ADGRL3: variants seen among roughly 807,000 people sequenced by gnomAD.
ADGRL3 encodes calcium-independent alpha-latrotoxin receptor 3.
In ADGRL3, 62 loss-of-function variants were observed where a neutral mutation model predicts 153.5. The observed-to-expected ratio is 0.40, with a 90% CI of 0.33 to 0.50. ADGRL3 has a LOEUF of 0.50. ADGRL3 is among the 20% of genes least tolerant of loss of function. The pLI is 0.47. For synonymous variants in ADGRL3, 710 were observed against 672.5 expected, an observed-to-expected ratio of 1.06 and a Z score of -0.86; for missense variants, 1,641 against 1,859.4, an observed-to-expected ratio of 0.88 and a Z score of 2.16.
In ADGRL3 at chr4:62,070,359, C is replaced by T; in HGVS notation, c.4083C>T (p.Asn1361=). 1 of 1,552,234 alleles carries T rather than the reference C, an allele frequency of 6.4e-7. No individual in the cohort carries two copies. Among genetic ancestry groups the T allele is most frequent in the Non-Finnish European group, 8.7e-7 (1 of 1,147,138 alleles). The change falls in exon 27 of 27, where the codon AAC becomes AAT. Residue 1361 remains asparagine (N), a synonymous_variant. Coordinates refer to ENST00000683033, the MANE Select transcript of ADGRL3 (RefSeq NM_001387552.1). ...GTGAACAGAACAGGAATCTGATGAA[C>T]AAGCTGGTGAATAACCTTGGCAGTG... ...RSSEQNRNLM[N]KLVNNLGSGR...
chr4:61,978,940 C>T (rs2099057764), intron 17 of ADGRL3, among the ~76,000 whole-genome samples: 2 of 152,114 alleles, frequency 1.3e-5, no homozygotes, highest in South Asian at 4.1e-4. Flanking sequence ...GAATATAAAT[C>T]CAATGAATAT....
rs772019371 is a variant in ADGRL3, at chr4:61,860,387, C to T, written c.1481-32269C>T. Among the ~76,000 whole-genome samples, 4 of 152,030 alleles carry T rather than the reference C, an allele frequency of 2.6e-5. No homozygotes were observed. In the South Asian group the frequency reaches 8.3e-4, roughly 32 times the overall value. ...TTACTTAACTAGCATTGTCCAAAAT[C>T]AAATTATCAGAGTTGGAAAGAAATG... is the stretch of plus-strand genomic sequence containing the variant. On this transcript the variant is annotated intron_variant, in intron 9 of 26. Coordinates refer to ENST00000683033, the MANE Select transcript of ADGRL3 (RefSeq NM_001387552.1).
chr4:61,698,337 A>G (rs2151258178), intron 6 of ADGRL3, among the ~76,000 whole-genome samples: 1 of 152,182 alleles, frequency 6.6e-6, no homozygotes, highest in East Asian at 1.9e-4. Flanking sequence ...CTGTAGTCCC[A>G]GCTACTTGGG....
At chr4:61,585,778 G>A (rs1377968844) in intron 4 of ADGRL3, among the ~76,000 whole-genome samples, 1 of 151,900 alleles carries the variant, frequency 6.6e-6, no homozygotes, top group East Asian at 1.9e-4. Context: ...ATCTTGGAGA[G>A]GGAAACTGTT....
chr4:61,803,877 AT>A (rs984900996), intron 8 of ADGRL3, among the ~76,000 whole-genome samples: 2 of 152,144 alleles, frequency 1.3e-5, no homozygotes, highest in Non-Finnish European at 2.9e-5. Flanking sequence ...GTACCTCCAA[AT>A]TATGCTAATA....
intron 11 of ADGRL3, among the ~76,000 whole-genome samples, chr4:61,904,134 T>C (rs7692856): frequency 0.66 from 97,918 of 147,868 alleles, 32,888 homozygotes; most frequent in Non-Finnish European, 0.72. Context: ...TTGTTAAACA[T>C]TGAGTTCCCA....
intron 13 of ADGRL3, among the ~76,000 whole-genome samples, chr4:61,932,817 T>G (rs1453164422): frequency 6.6e-6 from 1 of 152,146 alleles, no homozygotes; most frequent in East Asian, 1.9e-4. Context: ...AGCTTTTCTT[T>G]GTTGGGAGGC....
At chr4:61,367,945 T>A (rs2096438806) in intron 1 of ADGRL3, among the ~76,000 whole-genome samples, 1 of 150,532 alleles carries the variant, frequency 6.6e-6, no homozygotes, top group South Asian at 2.1e-4. Context: ...TGGTGTGAGA[T>A]GGTATCTCAT....
At chr4:61,618,628 C>A (rs2092255385) in intron 5 of ADGRL3, among the ~76,000 whole-genome samples, 3 of 152,138 alleles carry the variant, frequency 2.0e-5, no homozygotes, top group African/African-American at 7.2e-5. Context: ...ACATAACAGT[C>A]ATGGTGGTCT....
chr4:61,479,116 A>G (rs991761454), intron 2 of ADGRL3, among the ~76,000 whole-genome samples: 1 of 151,882 alleles, frequency 6.6e-6, no homozygotes, highest in Admixed American at 6.6e-5. Flanking sequence ...CTATTAGCAG[A>G]TCAACTCTAG....
chr4:62,046,830 AT>A (rs1438620233), intron 25 of ADGRL3, among the ~76,000 whole-genome samples: 1 of 151,670 alleles, frequency 6.6e-6, no homozygotes, highest in East Asian at 1.9e-4. Flanking sequence ...TTCTCATCTT[AT>A]TTTTTTATCT....
intron 2 of ADGRL3, among the ~76,000 whole-genome samples, chr4:61,486,384 A>G (rs140497067): frequency 6.6e-6 from 1 of 152,302 alleles, no homozygotes; most frequent in East Asian, 1.9e-4. Flanking sequence ...TTGTCACTAG[A>G]TGCGATATAT....
intron 1 of ADGRL3, among the ~76,000 whole-genome samples, chr4:61,346,240 G>GTCTCTC (rs141859178): frequency 1.3e-4 from 19 of 146,962 alleles, no homozygotes; most frequent in African/African-American, 4.5e-4. Context: ...AACATATTGA[G>GTCTCTC]TCTCTCTCTC....
chr4:61,469,185 C>T (rs959812226), intron 2 of ADGRL3, among the ~76,000 whole-genome samples: 3 of 152,050 alleles, frequency 2.0e-5, no homozygotes, highest in African/African-American at 7.2e-5. Context: ...GGCTCTGGAG[C>T]CAGCCTGCCT....
intron 6 of ADGRL3, among the ~76,000 whole-genome samples, chr4:61,693,976 C>G (rs1272645153): frequency 6.6e-6 from 1 of 151,984 alleles, no homozygotes; most frequent in African/African-American, 2.4e-5. Context: ...CATTCATTTG[C>G]TAACTGACTT....
chr4:61,797,169 G>A (rs1009528714), intron 8 of ADGRL3, among the ~76,000 whole-genome samples: 7 of 152,112 alleles, frequency 4.6e-5, no homozygotes, highest in African/African-American at 9.7e-5. Flanking sequence ...TTCCTCAAAA[G>A]CCTTGTGCCT....
chr4:61,611,023 C>T (rs1452730506), intron 5 of ADGRL3, among the ~76,000 whole-genome samples: 1 of 152,098 alleles, frequency 6.6e-6, no homozygotes, highest in African/African-American at 2.4e-5. Flanking sequence ...TAGGACCATT[C>T]TGTGTTAGGC....
intron 1 of ADGRL3, among the ~76,000 whole-genome samples, chr4:61,300,625 A>AT (rs1428821881): frequency 6.6e-6 from 1 of 152,136 alleles, no homozygotes; most frequent in Non-Finnish European, 1.5e-5. Context: ...GGTAGTGGTT[A>AT]TTTTATGTAG....
chr4:61,769,307 A>C (rs540343341), intron 8 of ADGRL3, among the ~76,000 whole-genome samples: 1,558 of 152,102 alleles, frequency 0.01, 18 homozygotes, highest in Middle Eastern at 0.041. Flanking sequence ...GAAGGGAGAG[A>C]TTGAAGTGTG....
Sources: gnomAD v4.1 joint callset for allele counts (sites outside exome capture counted in the v4.1 genomes callset) on GRCh38, gnomAD v4.1.1 for gene constraint, MANE v1.5 for transcripts, NCBI Gene and HGNC (gene_info 2026-07-23, HGNC 2026-07-21) for gene names.